The following RNF130 variants were observed in gnomAD, a reference collection of about 807,000 sequenced individuals.
RNF130 encodes ring finger protein 130.
In RNF130, 21 loss-of-function variants were observed where a neutral mutation model predicts 44.6. The observed-to-expected ratio is 0.47, with a 90% CI of 0.33 to 0.68. RNF130 has a LOEUF of 0.68. RNF130 is among the 30% of genes least tolerant of loss of function. The probability of loss-of-function intolerance (pLI) is 0.02; values close to 1 mark genes in which losing one functional copy is unlikely to be tolerated. For missense variants in RNF130, 479 were observed against 560.6 expected (o/e 0.85, Z 1.47); for synonymous variants, 214 against 210.4 (o/e 1.02, Z -0.15).
At chr5:180,019,933 C>A (rs939752636) in intron 2 of RNF130, among the ~76,000 whole-genome samples, 1 of 152,134 alleles carries the variant, frequency 6.6e-6, no homozygotes, top group Non-Finnish European at 1.5e-5. Context: ...AACTGTTGGG[C>A]AAAGTGACTG....
chr5:179,957,366 C>T (rs1184098560), intron 8 of RNF130, among the ~76,000 whole-genome samples: 1 of 151,782 alleles, frequency 6.6e-6, no homozygotes, highest in Non-Finnish European at 1.5e-5. Flanking sequence ...GAGCCGAGAT[C>T]CCACCACTGT....
chr5:180,007,751 G>A (rs1763494825), intron 3 of RNF130, among the ~76,000 whole-genome samples: 1 of 152,130 alleles, frequency 6.6e-6, no homozygotes, highest in Non-Finnish European at 1.5e-5. Context: ...GCACCAGATG[G>A]TGATTATGTT....
chr5:180,055,059 T>C (rs1012594785), intron 1 of RNF130, among the ~76,000 whole-genome samples: 2 of 151,898 alleles, frequency 1.3e-5, no homozygotes, highest in African/African-American at 4.8e-5. Flanking sequence ...GAAATAAATT[T>C]TGGCCAGGAG....
At chr5:179,935,769 A>G (rs1033587697) in intron 7 of RNF130, among the ~76,000 whole-genome samples, 4 of 136,674 alleles carry the variant, frequency 2.9e-5, no homozygotes, top group African/African-American at 1.0e-4. Flanking sequence ...GCTGGCCTAG[A>G]GATCATTTTA....
chr5:180,033,265 T>C (rs1764173564), intron 2 of RNF130, among the ~76,000 whole-genome samples: 1 of 152,170 alleles, frequency 6.6e-6, no homozygotes, highest in Non-Finnish European at 1.5e-5. Context: ...TACAGGTGTG[T>C]GCTACCACAC....
chr5:180,060,244 G>A (rs540647501), intron 1 of RNF130, among the ~76,000 whole-genome samples: 1 of 152,336 alleles, frequency 6.6e-6, no homozygotes, highest in African/African-American at 2.4e-5. Context: ...AATTGGTGTT[G>A]CTGTGAGCCA....
intron 2 of RNF130, among the ~76,000 whole-genome samples, chr5:180,037,385 T>G (rs1764274245): frequency 6.6e-6 from 1 of 152,164 alleles, no homozygotes; most frequent in Non-Finnish European, 1.5e-5. Context: ...TAGGCATCCA[T>G]GGCCCTCCAC....
intron 1 of RNF130, among the ~76,000 whole-genome samples, chr5:180,060,964 G>A (rs1415556546): frequency 2.0e-5 from 3 of 151,408 alleles, no homozygotes; most frequent in Non-Finnish European, 4.4e-5. Flanking sequence ...AGCTACGCGG[G>A]AGGCTGAGGC....
At chr5:180,029,731 G>A (rs1309301815) in intron 2 of RNF130, among the ~76,000 whole-genome samples, 1 of 151,972 alleles carries the variant, frequency 6.6e-6, no homozygotes. Context: ...GTAGAGATGG[G>A]GTTTTGTTAT....
At chr5:180,047,291 A>G (rs1764587835) in intron 1 of RNF130, among the ~76,000 whole-genome samples, 2 of 152,232 alleles carry the variant, frequency 1.3e-5, no homozygotes, top group South Asian at 4.1e-4. Context: ...CAATTTCTTA[A>G]TTTTATTTTT....
At chr5:179,944,964 G>A (rs956493600) in intron 7 of RNF130, among the ~76,000 whole-genome samples, 1 of 152,180 alleles carries the variant, frequency 6.6e-6, no homozygotes, top group Admixed American at 6.5e-5. Flanking sequence ...TGGGCTTAAT[G>A]GTATCTGCAC....
chr5:179,987,626 A>G (rs1464946949), intron 3 of RNF130, among the ~76,000 whole-genome samples: 4 of 152,234 alleles, frequency 2.6e-5, no homozygotes, highest in Non-Finnish European at 5.9e-5. Context: ...GCTGTGGGTC[A>G]TGTGTATCTT....
intron 3 of RNF130, among the ~76,000 whole-genome samples, chr5:179,997,879 G>A (rs903462432): frequency 2.0e-5 from 3 of 151,814 alleles, no homozygotes; most frequent in Admixed American, 2.0e-4. Flanking sequence ...GTCTTGCTCT[G>A]TCACCAGACT....
chr5:179,953,786 G>A (rs1762161072), downstream of RNF130, among the ~76,000 whole-genome samples: 1 of 152,134 alleles, frequency 6.6e-6, no homozygotes, highest in African/African-American at 2.4e-5. Context: ...TTAAAACTTT[G>A]TGCTTTGAAA....
intron 7 of RNF130, among the ~76,000 whole-genome samples, chr5:179,943,127 A>G (rs156100): frequency 0.56 from 84,616 of 152,080 alleles, 25,741 homozygotes; most frequent in African/African-American, 0.79. Context: ...CCAGAGAGGC[A>G]GAGGTTGCAG....
At chr5:179,996,852 T>C (rs1016317372) in intron 3 of RNF130, among the ~76,000 whole-genome samples, 2 of 152,240 alleles carry the variant, frequency 1.3e-5, no homozygotes, top group Non-Finnish European at 2.9e-5. Flanking sequence ...AGAGTTCCCT[T>C]CTCTTCAGTT....
chr5:179,988,710 C>A (rs1763009750), intron 3 of RNF130, among the ~76,000 whole-genome samples: 1 of 152,098 alleles, frequency 6.6e-6, no homozygotes, highest in Non-Finnish European at 1.5e-5. Flanking sequence ...TTCCAAAGTT[C>A]CTCTGGTTAT....
At chr5:179,963,417 G>A in intron 8 of RNF130, 54 bp downstream of exon 8, 2 of 1,381,836 alleles carry the variant, frequency 1.4e-6, no homozygotes, top group Non-Finnish European at 2.0e-6. Context: ...ACTGCTCCAT[G>A]TGTTTTCCTG....
At chr5:180,029,564 T>A (rs541765914) in intron 2 of RNF130, among the ~76,000 whole-genome samples, 1 of 152,378 alleles carries the variant, frequency 6.6e-6, no homozygotes, top group African/African-American at 2.4e-5. Flanking sequence ...AATGGCATTT[T>A]TACTAATCTT....
Sources: gnomAD v4.1 joint callset for allele counts (sites outside exome capture counted in the v4.1 genomes callset) on GRCh38, gnomAD v4.1.1 for gene constraint, MANE v1.5 for transcripts, NCBI Gene and HGNC (gene_info 2026-07-23, HGNC 2026-07-21) for gene names.